The following HNRNPLL variants were observed in gnomAD, a reference collection of about 807,000 sequenced individuals.
HNRNPLL encodes the protein heterogeneous nuclear ribonucleoprotein L-like.
HNRNPLL carries 25 observed loss-of-function variants against 67.1 expected under a neutral mutation model. The ratio of observed to expected loss-of-function variants is 0.37; its 90% CI spans 0.27 to 0.52. HNRNPLL has a LOEUF of 0.52. HNRNPLL is among the 20% of genes least tolerant of loss of function. The pLI is 0.90. For synonymous variants in HNRNPLL, 267 were observed against 241.7 expected (o/e 1.10, Z -0.97); for missense variants, 542 against 673.9 (o/e 0.80, Z 2.17).
chr2:38,567,469 C>A (rs1161264310), intron 12 of HNRNPLL, among the ~76,000 whole-genome samples: 3 of 152,048 alleles, frequency 2.0e-5, no homozygotes, highest in Non-Finnish European at 4.4e-5. Flanking sequence ...AAAAAAAGAA[C>A]AAGACAAAAG....
chr2:38,591,426 T>A (rs1666953104), intron 2 of HNRNPLL, 104 bp downstream of exon 2: 5 of 730,628 alleles, frequency 6.8e-6, no homozygotes, highest in African/African-American at 3.5e-5. Flanking sequence ...TTTGTTTATA[T>A]ATACAAACAA....
rs556524230 is a variant in HNRNPLL at position 38,602,832 on chromosome 2, T to C, written c.-206A>G. On this transcript the variant is annotated 5_prime_UTR_variant, in exon 1 of 13. Coordinates refer to ENST00000449105, the MANE Select transcript of HNRNPLL (RefSeq NM_138394.4). ...AGGGGGGCGCCCCGGGAGGAAGCTC[T>C]GGAGCGGCCGCTCCTCTCAATTACC... 1.9e-6 allele frequency: 3 copies of C among 1,548,896 alleles called. No homozygotes were observed. Among genetic ancestry groups the C allele is most frequent in the South Asian group, 2.4e-5 (2 of 83,924 alleles).
At chr2:38,585,162 A>T (rs911466105) in intron 3 of HNRNPLL, among the ~76,000 whole-genome samples, 3 of 152,190 alleles carry the variant, frequency 2.0e-5, no homozygotes, top group Non-Finnish European at 4.4e-5. Context: ...CCTTTTTAAA[A>T]CTTCTACCAA....
rs777383390 is a variant in HNRNPLL, at chr2:38,581,954, T to C, written c.761A>G (p.Asn254Ser). ...PTRLNVIRND[N>S]DSWDYTKPYL... ...TGGTTTAGTGTAGTCCCAACTGTCATTGTCATTCCTAATAACATTTAGACG... is the reference window on the plus strand; with the variant it reads ...TGGTTTAGTGTAGTCCCAACTGTCACTGTCATTCCTAATAACATTTAGACG... The change falls in exon 6 of 13, where the codon AAT (asparagine) becomes AGT (serine). Residue 254 changes from asparagine to serine, a missense_variant. Transcript: ENST00000449105. 32 of 1,612,478 alleles carry C rather than the reference T, an allele frequency of 2.0e-5. No homozygotes were observed. Among genetic ancestry groups the C allele is most frequent in the African/African-American group, 9.3e-5 (7 of 74,904 alleles).
At chr2:38,579,005 A>C (rs1666414770) in intron 6 of HNRNPLL, among the ~76,000 whole-genome samples, 1 of 152,056 alleles carries the variant, frequency 6.6e-6, no homozygotes, top group South Asian at 2.1e-4. Context: ...TAGCCTACTA[A>C]TCCATTCTGT....
At chr2:38,585,226 G>C (rs867882873) in intron 3 of HNRNPLL, among the ~76,000 whole-genome samples, 5 of 152,174 alleles carry the variant, frequency 3.3e-5, no homozygotes, top group Admixed American at 6.5e-5. Context: ...ATCAAAGACA[G>C]ATTTTTAACA....
At chr2:38,601,271 A>C (rs766788683) in intron 1 of HNRNPLL, among the ~76,000 whole-genome samples, 4 of 152,236 alleles carry the variant, frequency 2.6e-5, no homozygotes, top group Non-Finnish European at 5.9e-5. Context: ...TGGTAACTGG[A>C]AACTGCAACG....
rs149997678 is a variant in HNRNPLL at position 38,570,468 on chromosome 2, G to C, written c.1093-543C>G. 8.1e-4 allele frequency among the ~76,000 whole-genome samples: 123 copies of C among 152,252 alleles called. 1 individual carries two copies. In the East Asian group the frequency reaches 0.023, roughly 28 times the overall value. On this transcript the variant is annotated intron_variant, in intron 8 of 12. Transcript: ENST00000449105. ...ATGCAGTAAACAAGATGCTATATAA[G>C]AAATAATACAAAATAGCCTTGAGAT...
Position 38,599,223 on chromosome 2 carries a change from G to A in HNRNPLL, c.189+3215C>T, listed in dbSNP as rs565781935. On this transcript the variant is annotated intron_variant, in intron 1 of 12. Transcript: ENST00000449105. The stretch of plus-strand genomic sequence containing the variant: ...CATCTTTCACGTCTATTTACTAAAA[G>A]TTGAGAAACAAATTTTCACTTCATC... 1.3e-3 allele frequency among the ~76,000 whole-genome samples: 202 copies of A among 152,300 alleles called. 1 individual carries two copies. Among genetic ancestry groups the A allele is most frequent in the Admixed American group, 5.9e-3 (91 of 15,298 alleles).
chr2:38,581,775 A>C (rs1666536695), intron 6 of HNRNPLL, 138 bp downstream of exon 6: 1 of 660,882 alleles, frequency 1.5e-6, no homozygotes. Flanking sequence ...CCAGCATTAC[A>C]TGGCCTTTTG....
intron 1 of HNRNPLL, among the ~76,000 whole-genome samples, chr2:38,594,842 G>A (rs1416679641): frequency 6.6e-6 from 1 of 151,800 alleles, no homozygotes; most frequent in African/African-American, 2.4e-5. Context: ...TACTCAGGAA[G>A]CTGAGGCAAG....
intron 7 of HNRNPLL, among the ~76,000 whole-genome samples, chr2:38,576,922 T>G (rs1295641320): frequency 6.6e-6 from 1 of 151,914 alleles, no homozygotes; most frequent in African/African-American, 2.4e-5. Flanking sequence ...TTATTCTAGG[T>G]TCCATAATCT....
chr2:38,602,837 C>A lies in HNRNPLL; in HGVS notation c.-211G>T. 1.9e-6 allele frequency: 3 copies of A among 1,548,832 alleles called. No homozygotes were observed. The highest frequency in any genetic ancestry group is 1.7e-6 in the Non-Finnish European group (2 of 1,146,166). ...GGCGCCCCGGGAGGAAGCTCTGGAG[C>A]GGCCGCTCCTCTCAATTACCGAGCC... On this transcript the variant is annotated 5_prime_UTR_variant, in exon 1 of 13. Transcript: ENST00000449105.
chr2:38,578,165 G>T (rs1166742511), intron 6 of HNRNPLL, among the ~76,000 whole-genome samples: 1 of 151,992 alleles, frequency 6.6e-6, no homozygotes, highest in East Asian at 1.9e-4. Flanking sequence ...GTAGGACTAT[G>T]AGCAACCCCA....
chr2:38,586,015 C>G (rs76078344), intron 2 of HNRNPLL, 134 bp from the exon 3 acceptor site: 12,131 of 658,236 alleles, frequency 0.018, 263 homozygotes, highest in East Asian at 0.059. Context: ...CTGTGTCCAA[C>G]GTAAGTCAAC....
intron 1 of HNRNPLL, among the ~76,000 whole-genome samples, chr2:38,601,795 G>C (rs1572472394): frequency 6.6e-6 from 1 of 152,230 alleles, no homozygotes; most frequent in South Asian, 2.1e-4. Context: ...CACTTCTGTT[G>C]AAGTGTTGTA....
chr2:38,576,348 G>A (rs1379140301), intron 7 of HNRNPLL, among the ~76,000 whole-genome samples: 3 of 151,738 alleles, frequency 2.0e-5, no homozygotes. Flanking sequence ...GTTTTTTACT[G>A]CAGGATCAGA....
At chr2:38,592,445 G>A (rs1452375956) in intron 1 of HNRNPLL, among the ~76,000 whole-genome samples, 1 of 152,136 alleles carries the variant, frequency 6.6e-6, no homozygotes, top group Non-Finnish European at 1.5e-5. Context: ...ATAACTTGAG[G>A]ATACTCACTT....
intron 1 of HNRNPLL, among the ~76,000 whole-genome samples, chr2:38,600,398 CAG>C (rs1292022950): frequency 1.4e-4 from 22 of 152,260 alleles, no homozygotes; most frequent in African/African-American, 4.1e-4. Context: ...TAAGAGAACT[CAG>C]AGTAGTAAAC....
Sources: allele counts gnomAD v4.1 joint callset (sites outside exome capture counted in the v4.1 genomes callset), GRCh38; gene constraint gnomAD v4.1.1; transcripts MANE v1.5; gene names NCBI Gene and HGNC (gene_info 2026-07-23, HGNC 2026-07-21).